The following ITGA2 variants were observed in gnomAD, a reference collection of about 807,000 sequenced individuals.
ITGA2 encodes integrin alpha-2.
ITGA2 carries 101 observed loss-of-function variants against 146.3 expected under a neutral mutation model. The ratio of observed to expected loss-of-function variants is 0.69; its 90% CI spans 0.59 to 0.81. The LOEUF (loss-of-function observed/expected upper bound fraction) is 0.81. Ranked by LOEUF, ITGA2 falls within the 40% of genes least tolerant of loss-of-function variation. ITGA2 has a pLI of 0.00. For synonymous variants in ITGA2, 477 were observed against 487.1 expected (o/e 0.98, Z 0.27); for missense variants, 1,281 against 1,402.7 (o/e 0.91, Z 1.39).
intron 2 of ITGA2, among the ~76,000 whole-genome samples, chr5:53,028,767 C>G (rs1743076591): frequency 6.6e-6 from 1 of 152,182 alleles, no homozygotes; most frequent in Non-Finnish European, 1.5e-5. Flanking sequence ...TTCTCCTCCC[C>G]TATATCTTAT....
chr5:53,087,076 GGTCT>G, intron 28 of ITGA2, 35 bp downstream of exon 28: 1 of 1,424,912 alleles, frequency 7.0e-7, no homozygotes, highest in Non-Finnish European at 9.9e-7. Flanking sequence ...TGAGCCTCAG[GGTCT>G]GTGATGGCAT....
At chr5:53,018,625 T>A (rs1742517424) in intron 1 of ITGA2, among the ~76,000 whole-genome samples, 1 of 152,124 alleles carries the variant, frequency 6.6e-6, no homozygotes, top group Admixed American at 6.5e-5. Flanking sequence ...TCGGGCTGCC[T>A]CTAGTCAGCC....
At chr5:53,059,554 G>C (rs1744805327) in intron 10 of ITGA2, among the ~76,000 whole-genome samples, 1 of 151,824 alleles carries the variant, frequency 6.6e-6, no homozygotes, top group African/African-American at 2.4e-5. Context: ...AGTTCATAAG[G>C]GTTTACCATT....
At chr5:53,088,512 C>G (rs1579915034) in intron 28 of ITGA2, among the ~76,000 whole-genome samples, 1 of 151,870 alleles carries the variant, frequency 6.6e-6, no homozygotes, top group Non-Finnish European at 1.5e-5. Flanking sequence ...ATAGTGAAAA[C>G]CTGTCTCTAC....
rs111447425 is a variant in ITGA2 at position 53,074,557 on chromosome 5, A to G, written c.2664+80A>G. On this transcript the variant is annotated intron_variant, in intron 21 of 29. Coordinates refer to ENST00000296585, the MANE Select transcript of ITGA2 (RefSeq NM_002203.4). ...TAATTTACCAACATAACATCTTGCT[A>G]TCATGATTTGATAGGCATCACAAAA... The G allele has an allele frequency of 1.3e-3, 1,477 of 1,119,512 alleles. 18 individuals carry two copies. In the African/African-American group the frequency reaches 0.02, roughly 15 times the overall value. The allele number at this position is 1,119,512 out of a possible 1,614,324, so 69.3% of individuals were successfully genotyped here.
chr5:53,021,487 C>T lies in ITGA2; in HGVS notation c.65-5261C>T, dbSNP rs141669315. Among the ~76,000 whole-genome samples the T allele has an allele frequency of 2.0e-3, 311 of 152,254 alleles. 1 individual carries two copies. Among genetic ancestry groups the T allele is most frequent in the African/African-American group, 7.3e-3 (303 of 41,554 alleles). On this transcript the variant is annotated intron_variant, in intron 1 of 29. Coordinates refer to ENST00000296585, the MANE Select transcript of ITGA2 (RefSeq NM_002203.4). ...TTCTTCCGGAGTAGATAACATTCTC[C>T]CAGACTCTAGAGCATGGTTCTCCTG...
At chr5:53,045,470 G>A (rs375289950) in intron 4 of ITGA2, among the ~76,000 whole-genome samples, 1 of 152,268 alleles carries the variant, frequency 6.6e-6, no homozygotes, top group East Asian at 1.9e-4. Context: ...ATCATTTCCT[G>A]TAATTGTTGA....
chr5:53,092,534 AC>A lies in ITGA2; in HGVS notation c.*1936del, dbSNP rs1473575469. 6.6e-6 allele frequency: 1 copy of A among 152,088 alleles called. No homozygotes were observed. The highest frequency in any genetic ancestry group is 2.4e-5 in the African/African-American group (1 of 41,404). 9.4% of individuals were successfully genotyped at this position (152,088 alleles called of 1,614,324 possible). A position where few individuals can be genotyped will look rare whatever the true frequency, so the allele number is the denominator to read the frequency against. ...AAAATGCCAGCGGTTTATAGAAAAA[AC>A]AGCATGGTATTCTCCAGTTAGGTAT... On this transcript the variant is annotated 3_prime_UTR_variant, in exon 30 of 30. Transcript: ENST00000296585.
intron 23 of ITGA2, among the ~76,000 whole-genome samples, chr5:53,077,301 C>A (rs1290960602): frequency 6.6e-6 from 1 of 151,886 alleles, no homozygotes; most frequent in African/African-American, 2.4e-5. Flanking sequence ...TCTTTGCAAA[C>A]TTTTGGAAAA....
intron 2 of ITGA2, among the ~76,000 whole-genome samples, chr5:53,028,294 G>A (rs1275269151): frequency 1.3e-5 from 2 of 152,144 alleles, no homozygotes; most frequent in African/African-American, 4.8e-5. Flanking sequence ...ATCGTGAGCT[G>A]GGTTTTAAGT....
chr5:53,077,724 C>T (rs1034303008), intron 23 of ITGA2, among the ~76,000 whole-genome samples: 14 of 151,982 alleles, frequency 9.2e-5, no homozygotes, highest in African/African-American at 3.4e-4. Context: ...CCACTCAAGT[C>T]TCCCTGTGAC....
At chr5:53,004,318 G>A (rs1177156383) in intron 1 of ITGA2, among the ~76,000 whole-genome samples, 1 of 152,102 alleles carries the variant, frequency 6.6e-6, no homozygotes, top group Non-Finnish European at 1.5e-5. Context: ...CTTTAGATAA[G>A]CCATAGGCAA....
intron 1 of ITGA2, among the ~76,000 whole-genome samples, chr5:52,992,898 C>T (rs1741046814): frequency 6.6e-6 from 1 of 151,988 alleles, no homozygotes; most frequent in African/African-American, 2.4e-5. Context: ...TACACATTCA[C>T]ACACACACAC....
chr5:53,065,692 T>G (rs1745114540), intron 14 of ITGA2, 149 bp from the exon 15 acceptor site: 1 of 967,206 alleles, frequency 1.0e-6, no homozygotes, highest in African/African-American at 1.6e-5. Flanking sequence ...TAATAAGATG[T>G]GATTAAAAAA....
chr5:53,072,079 A>C, intron 18 of ITGA2, 31 bp downstream of exon 18: 1 of 1,459,032 alleles, frequency 6.9e-7, no homozygotes. Flanking sequence ...CTGGATTTAG[A>C]CTGGCAAATA....
In ITGA2 at chr5:53,083,306, GCTCT is replaced by G. The variant is rs767154995; in HGVS notation, c.3145-29_3145-26del. 6.9e-6 allele frequency: 9 copies of G among 1,305,078 alleles called. 1 individual carries two copies. The highest frequency in any genetic ancestry group is 5.9e-5 in the South Asian group (5 of 84,726). 80.8% of individuals were successfully genotyped at this position (1,305,078 alleles called of 1,614,324 possible). ...TTTATTTTTTAACTCTTACTAACTT[GCTCT>G]CTCTTTTACCTTTGACTCAATACTA... On this transcript the variant is annotated intron_variant, in intron 26 of 29. Coordinates refer to ENST00000296585, the MANE Select transcript of ITGA2 (RefSeq NM_002203.4).
chr5:53,080,636 A>T lies in ITGA2; in HGVS notation c.3039+15A>T. On this transcript the variant is annotated intron_variant, in intron 25 of 29. Transcript: ENST00000296585. ...AAACAGACAAGGTAAAGATTAAAAAATTGCCTAAAAATGTGTACTTTCAAG... is the reference window on the plus strand; with the variant it reads ...AAACAGACAAGGTAAAGATTAAAAATTTGCCTAAAAATGTGTACTTTCAAG... The T allele has an allele frequency of 1.9e-6, 3 of 1,579,814 alleles. No homozygotes were observed. Among genetic ancestry groups the T allele is most frequent in the African/African-American group, 1.3e-5 (1 of 74,266 alleles).
chr5:53,073,073 A>T, intron 19 of ITGA2, 45 bp from the exon 20 acceptor site: 8 of 1,597,102 alleles, frequency 5.0e-6, no homozygotes, highest in Non-Finnish European at 6.9e-6. Context: ...TGGCCTTTTT[A>T]TTTAACAGTA....
intron 27 of ITGA2, 75 bp from the exon 28 acceptor site, chr5:53,086,877 T>C: frequency 8.5e-7 from 1 of 1,177,820 alleles, no homozygotes; most frequent in Non-Finnish European, 1.3e-6. Flanking sequence ...AATAAATACA[T>C]AAATCATAAG....
Sources: allele counts gnomAD v4.1 joint callset (sites outside exome capture counted in the v4.1 genomes callset), GRCh38; gene constraint gnomAD v4.1.1; transcripts MANE v1.5; gene names NCBI Gene and HGNC (gene_info 2026-07-23, HGNC 2026-07-21).